The following MAST4 variants were observed in gnomAD, a reference collection of about 807,000 sequenced individuals.
The protein encoded by MAST4 is microtubule associated serine/threonine kinase family member 4, also known as microtubule-associated serine/threonine-protein kinase 4.
In MAST4, 89 loss-of-function variants were observed where a neutral mutation model predicts 162.7. The observed-to-expected ratio is 0.55, with a 90% CI of 0.46 to 0.65. The LOEUF is 0.65. Ranked by LOEUF, MAST4 falls within the 30% of genes least tolerant of loss-of-function variation. The pLI is 0.00. For missense variants in MAST4, 3,153 were observed against 3,374.0 expected, an observed-to-expected ratio of 0.93 and a Z score of 1.62; for synonymous variants, 1,479 against 1,361.1, an observed-to-expected ratio of 1.09 and a Z score of -1.91.
chr5:67,130,136 A>G, intron 14 of MAST4, 74 bp from the exon 15 acceptor site: 3 of 1,356,022 alleles, frequency 2.2e-6, no homozygotes, highest in Non-Finnish European at 2.0e-6. Flanking sequence ...GATGATTTAT[A>G]TGGTTTACTG....
intron 1 of MAST4, among the ~76,000 whole-genome samples, chr5:66,746,579 G>A (rs368660702): frequency 1.3e-5 from 2 of 152,180 alleles, no homozygotes; most frequent in East Asian, 1.9e-4. Flanking sequence ...TTGTGGCATC[G>A]TGTGGGAATG....
chr5:66,751,018 A>T (rs1306726949), intron 1 of MAST4, among the ~76,000 whole-genome samples: 1 of 151,944 alleles, frequency 6.6e-6, no homozygotes, highest in Non-Finnish European at 1.5e-5. Flanking sequence ...ACTGGGAGGC[A>T]CCCCCCAGCA....
At chr5:67,035,413 T>C (rs1301300803) in intron 4 of MAST4, among the ~76,000 whole-genome samples, 1 of 152,170 alleles carries the variant, frequency 6.6e-6, no homozygotes, top group South Asian at 2.1e-4. Flanking sequence ...GACAGTTTGC[T>C]GGTATTGTGG....
At position 67,000,309 on chromosome 5, in the gene MAST4, G is replaced by A. The variant is rs115613284; in HGVS notation, c.675-54095G>A. Among the ~76,000 whole-genome samples, 1,227 of 152,340 alleles carry A rather than the reference G, an allele frequency of 8.1e-3. 15 individuals carry two copies. Among genetic ancestry groups the A allele is most frequent in the African/African-American group, 0.027 (1,137 of 41,574 alleles). ...TATTGGGCATGGCCTCATGGCCCGA[G>A]TGTCCTGCACAGGGAGCTGACAGCT... On this transcript the variant is annotated intron_variant, in intron 4 of 28. Transcript: ENST00000403625.
chr5:66,937,381 C>T (rs1185391832), intron 4 of MAST4, among the ~76,000 whole-genome samples: 6 of 152,114 alleles, frequency 3.9e-5, no homozygotes, highest in Non-Finnish European at 8.8e-5. Context: ...TCTCCAAGAC[C>T]TCAAAGTATA....
intron 4 of MAST4, among the ~76,000 whole-genome samples, chr5:67,020,636 A>G (rs1460472911): frequency 6.6e-6 from 1 of 152,180 alleles, no homozygotes; most frequent in African/African-American, 2.4e-5. Context: ...GGCCCTTCTC[A>G]TGTAGTAGAA....
At chr5:66,821,641 C>T (rs1200029397) in intron 3 of MAST4, among the ~76,000 whole-genome samples, 2 of 152,306 alleles carry the variant, frequency 1.3e-5, no homozygotes, top group South Asian at 2.1e-4. Context: ...ATGTCAACCT[C>T]AGTTAAGGAT....
At chr5:66,708,261 T>C (rs572517859) in intron 1 of MAST4, among the ~76,000 whole-genome samples, 12 of 152,176 alleles carry the variant, frequency 7.9e-5, no homozygotes, top group Non-Finnish European at 1.5e-4. Flanking sequence ...GAAGTCTGAC[T>C]ACCTTGGGGC....
At chr5:66,933,020 A>G (rs780554381) in intron 4 of MAST4, among the ~76,000 whole-genome samples, 7 of 152,182 alleles carry the variant, frequency 4.6e-5, no homozygotes, top group Non-Finnish European at 8.8e-5. Context: ...CACCTAAATA[A>G]GAATCATATT....
rs1430236325 is a variant in MAST4, at chr5:67,110,168, T to C, written c.1427T>C (p.Ile476Thr). The C allele has an allele frequency of 1.9e-6, 3 of 1,613,718 alleles. No homozygotes were observed. In the East Asian group the frequency reaches 6.7e-5, roughly 36 times the overall value. ...CTAGTTCGAAAGATCCTAATTGTTA[T>C]TGCCCGCCCTGCTCGGTTATTAGAG... Reference protein sequence around the residue: ...KQLVRKILIVIARPARLLECL... With the variant: ...KQLVRKILIVTARPARLLECL... The change falls in exon 11 of 29, where the codon ATT (isoleucine) becomes ACT (threonine). Residue 476 changes from isoleucine to threonine, a missense_variant. This residue lies in a region of MAST4 where 360 missense variants were observed against 450.0 expected (regional missense o/e 0.80). Coordinates refer to ENST00000403625, the MANE Select transcript of MAST4 (RefSeq NM_001164664.2).
chr5:66,796,825 A>C (rs1755674759), intron 3 of MAST4, among the ~76,000 whole-genome samples: 1 of 152,186 alleles, frequency 6.6e-6, no homozygotes, highest in Non-Finnish European at 1.5e-5. Context: ...AAATGCCTGC[A>C]CCTAGCTGTC....
At chr5:66,750,127 G>A (rs1245950728) in intron 1 of MAST4, among the ~76,000 whole-genome samples, 1 of 152,152 alleles carries the variant, frequency 6.6e-6, no homozygotes, top group Non-Finnish European at 1.5e-5. Flanking sequence ...CATAATCTAT[G>A]TTATGAATCA....
rs116197429 is a variant in MAST4 at position 66,711,140 on chromosome 5, A to G, written c.364-48569A>G. 9.1e-3 allele frequency among the ~76,000 whole-genome samples: 1,383 copies of G among 152,300 alleles called. 21 individuals are homozygous for G. The highest frequency in any genetic ancestry group is 0.032 in the African/African-American group (1,322 of 41,552). ...TCATCTACCAAATGCTGCGTCCATG[A>G]GGATCATCCTTGTTGTGTGTGGCAA... On this transcript the variant is annotated intron_variant, in intron 1 of 28. Coordinates refer to ENST00000403625, the MANE Select transcript of MAST4 (RefSeq NM_001164664.2).
intron 2 of MAST4, among the ~76,000 whole-genome samples, chr5:66,786,656 C>A (rs999174107): frequency 1.3e-5 from 2 of 152,192 alleles, no homozygotes; most frequent in African/African-American, 4.8e-5. Flanking sequence ...CATTAATTAC[C>A]TGCCTTTGGG....
chr5:66,673,915 A>T (rs941164166), intron 1 of MAST4, among the ~76,000 whole-genome samples: 2 of 152,220 alleles, frequency 1.3e-5, no homozygotes, highest in South Asian at 2.1e-4. Context: ...GGTCATCTAC[A>T]TGAAACTATA....
rs1773795833 is a variant in MAST4, at chr5:67,165,542, G to T, written c.6363G>T (p.Arg2121Ser). ...AAGATGGTGCCAAGGAACCTGAAAGGAAGGAGCAGCCTCTACAAAGGCATC... is the reference window on the plus strand; with the variant it reads ...AAGATGGTGCCAAGGAACCTGAAAGTAAGGAGCAGCCTCTACAAAGGCATC... ...LQKDGAKEPERKEQPLQRHPS... is the reference protein window; with the variant it reads ...LQKDGAKEPESKEQPLQRHPS... The change falls in exon 29 of 29, where the codon AGG becomes AGT. Residue 2121 changes from arginine (R) to serine (S), a missense_variant. Coordinates refer to ENST00000403625, the MANE Select transcript of MAST4 (RefSeq NM_001164664.2). 6.2e-7 allele frequency: 1 copy of T among 1,614,016 alleles called. No individual in the cohort carries two copies.
intron 1 of MAST4, among the ~76,000 whole-genome samples, chr5:66,686,934 T>A (rs11744691): frequency 0.11 from 16,839 of 152,202 alleles, 1,018 homozygotes; most frequent in Admixed American, 0.16. Context: ...ATTAAAAAAA[T>A]TTATTTCTAG....
At position 66,964,205 on chromosome 5, in the gene MAST4, TG is replaced by T. The variant is rs374463840; in HGVS notation, c.674+64224del. ...GATAATGTATTTAAATTGTCTAAAG[TG>T]TTAATATTTTTTAAATCATTTTTTA... On this transcript the variant is annotated intron_variant, in intron 4 of 28. Transcript: ENST00000403625. 3.2e-4 allele frequency: 118 copies of T among 369,808 alleles called. 1 individual carries two copies. Among genetic ancestry groups the T allele is most frequent in the African/African-American group, 2.3e-3 (110 of 47,020 alleles). The allele number at this position is 369,808 out of a possible 1,614,324, so 22.9% of individuals were successfully genotyped here. A position where few individuals can be genotyped will look rare whatever the true frequency, so the allele number is the denominator to read the frequency against.
intron 1 of MAST4, among the ~76,000 whole-genome samples, chr5:66,599,254 G>C (rs6879985): frequency 0.21 from 31,940 of 152,040 alleles, 5,419 homozygotes; most frequent in African/African-American, 0.45. Context: ...GCAGGGGGGT[G>C]TTCACCTTCA....
Sources: gnomAD v4.1 joint callset for allele counts (sites outside exome capture counted in the v4.1 genomes callset) on GRCh38, gnomAD v4.1.1 for gene constraint, gnomAD v4.1.1 regional missense constraint, MANE v1.5 for transcripts, NCBI Gene and HGNC (gene_info 2026-07-23, HGNC 2026-07-21) for gene names.